ASIC2: variants seen among roughly 807,000 people sequenced by gnomAD.
The protein encoded by ASIC2 is acid sensing ion channel subunit 2.
A neutral mutation model predicts 57.3 loss-of-function variants in ASIC2; 25 were observed. That is an observed-to-expected ratio of 0.44 (90% CI 0.32 to 0.61). ASIC2 has a LOEUF of 0.61. ASIC2 is among the 20% of genes least tolerant of loss of function. ASIC2 has a pLI of 0.06. For missense variants in ASIC2, 641 were observed against 738.1 expected (o/e 0.87, Z 1.52); for synonymous variants, 319 against 307.5 (o/e 1.04, Z -0.39).
intron 2 of ASIC2, among the ~76,000 whole-genome samples, chr17:33,096,089 T>C (rs2092178048): frequency 6.6e-6 from 1 of 152,226 alleles, no homozygotes; most frequent in African/African-American, 2.4e-5. Context: ...TGCAGACGTG[T>C]ACTAGTGTAC....
At chr17:33,633,180 A>C (rs772965465) in intron 1 of ASIC2, among the ~76,000 whole-genome samples, 6 of 152,106 alleles carry the variant, frequency 3.9e-5, no homozygotes, top group Non-Finnish European at 8.8e-5. Context: ...CCTGATTCTC[A>C]CTGGAGTGCA....
At chr17:34,007,685 T>G (rs962885133) in intron 1 of ASIC2, among the ~76,000 whole-genome samples, 3 of 152,162 alleles carry the variant, frequency 2.0e-5, no homozygotes, top group African/African-American at 7.2e-5. Context: ...CTGTGCCACC[T>G]CTCCTCTTCA....
chr17:34,109,683 T>C (rs908805844), intron 1 of ASIC2, among the ~76,000 whole-genome samples: 10 of 152,230 alleles, frequency 6.6e-5, no homozygotes, highest in African/African-American at 1.2e-4. Context: ...CTCACTGTTA[T>C]ATAAACCTGC....
chr17:33,079,414 A>G (rs1241522160), intron 3 of ASIC2, among the ~76,000 whole-genome samples: 2 of 151,916 alleles, frequency 1.3e-5, no homozygotes, highest in Non-Finnish European at 2.9e-5. Context: ...CGATGCTGGG[A>G]GGAGGGCTCT....
At chr17:33,961,731 A>G (rs1315431223) in intron 1 of ASIC2, among the ~76,000 whole-genome samples, 1 of 121,394 alleles carries the variant, frequency 8.2e-6, no homozygotes, top group Non-Finnish European at 1.7e-5. Context: ...CATAAGGGAC[A>G]TATTTGGGAG....
At chr17:34,101,701 T>C (rs1251853040) in intron 1 of ASIC2, among the ~76,000 whole-genome samples, 2 of 152,154 alleles carry the variant, frequency 1.3e-5, no homozygotes, top group African/African-American at 2.4e-5. Flanking sequence ...TGTATGCCTA[T>C]AAACAATATG....
At chr17:33,059,043 T>C (rs1055059405) in intron 3 of ASIC2, among the ~76,000 whole-genome samples, 8 of 152,088 alleles carry the variant, frequency 5.3e-5, no homozygotes, top group Non-Finnish European at 1.2e-4. Context: ...CTGCTTATAC[T>C]GTATGGTTAT....
chr17:33,450,271 G>A (rs1912198016), intron 1 of ASIC2, among the ~76,000 whole-genome samples: 1 of 152,156 alleles, frequency 6.6e-6, no homozygotes, highest in African/African-American at 2.4e-5. Flanking sequence ...TTGTAAAATG[G>A]TAGTATGCAG....
chr17:33,684,348 G>A (rs919658635), intron 1 of ASIC2, among the ~76,000 whole-genome samples: 2 of 152,024 alleles, frequency 1.3e-5, no homozygotes, highest in Admixed American at 6.5e-5. Flanking sequence ...CTTCAGAGTG[G>A]CTCATTTTAG....
chr17:33,757,625 C>T (rs1157517577), intron 1 of ASIC2, among the ~76,000 whole-genome samples: 1 of 152,196 alleles, frequency 6.6e-6, no homozygotes, highest in Non-Finnish European at 1.5e-5. Context: ...AGCTCTTAGA[C>T]TTCTTTCCCT....
At chr17:33,266,552 C>G (rs935829418) in intron 1 of ASIC2, among the ~76,000 whole-genome samples, 1 of 104,794 alleles carries the variant, frequency 9.5e-6, no homozygotes, top group Non-Finnish European at 1.8e-5. Context: ...CCACCCCCCA[C>G]CCCCAGTTGC....
intron 1 of ASIC2, among the ~76,000 whole-genome samples, chr17:33,762,660 G>A (rs1346782927): frequency 6.6e-6 from 1 of 152,210 alleles, no homozygotes; most frequent in Non-Finnish European, 1.5e-5. Context: ...CATAGCCGTT[G>A]CACAGCAATG....
At chr17:33,325,337 G>A (rs1362887241) in intron 1 of ASIC2, among the ~76,000 whole-genome samples, 1 of 152,194 alleles carries the variant, frequency 6.6e-6, no homozygotes, top group Non-Finnish European at 1.5e-5. Flanking sequence ...CTCTGCAGAG[G>A]AGACAACTTT....
chr17:33,610,451 C>T (rs1405275148), intron 1 of ASIC2, among the ~76,000 whole-genome samples: 1 of 152,164 alleles, frequency 6.6e-6, no homozygotes, highest in Non-Finnish European at 1.5e-5. Flanking sequence ...GGCACCACAC[C>T]CCCCACCGCC....
chr17:33,359,895 C>A (rs1908531213), intron 1 of ASIC2, among the ~76,000 whole-genome samples: 1 of 152,192 alleles, frequency 6.6e-6, no homozygotes, highest in South Asian at 2.1e-4. Context: ...AAGCCTGAAG[C>A]AGCCATGAAG....
intron 1 of ASIC2, among the ~76,000 whole-genome samples, chr17:33,286,113 A>T (rs1905166471): frequency 6.6e-6 from 1 of 152,234 alleles, no homozygotes; most frequent in Non-Finnish European, 1.5e-5. Flanking sequence ...TGCCATTTCA[A>T]CAGAGTTAGC....
At chr17:33,706,844 T>A (rs1908878540) in intron 1 of ASIC2, among the ~76,000 whole-genome samples, 1 of 152,246 alleles carries the variant, frequency 6.6e-6, no homozygotes, top group African/African-American at 2.4e-5. Flanking sequence ...AAGTGGTTGC[T>A]TTTTAGTATT....
At chr17:33,430,547 A>G (rs560792944) in intron 1 of ASIC2, among the ~76,000 whole-genome samples, 2 of 152,280 alleles carry the variant, frequency 1.3e-5, no homozygotes, top group Non-Finnish European at 1.5e-5. Context: ...GGGAATAATA[A>G]TGTAAATGTC....
At position 34,030,311 on chromosome 17, in the gene ASIC2, AATCC is replaced by A. The variant is rs1907545263; in HGVS notation, c.555+125663_555+125666del. On this transcript the variant is annotated intron_variant, in intron 1 of 9. Coordinates refer to the ASIC2 transcript ENST00000359872. ...TCCACCCATACTTTCATTGATCCAT[AATCC>A]ATCCATTCGAAATTTTTGAGGGCCT... 2.0e-5 allele frequency among the ~76,000 whole-genome samples: 3 copies of A among 152,206 alleles called. No individual in the cohort carries two copies. The South Asian group carries it at 6.2e-4, about 32-fold the overall frequency.
Sources: allele counts gnomAD v4.1 joint callset (sites outside exome capture counted in the v4.1 genomes callset), GRCh38; gene constraint gnomAD v4.1.1; transcripts MANE v1.5; gene names NCBI Gene and HGNC (gene_info 2026-07-23, HGNC 2026-07-21).